Variants in TNRC18 observed in about 807,000 individuals in gnomAD.
TNRC18 encodes the protein trinucleotide repeat-containing gene 18 protein.
In TNRC18, 69 loss-of-function variants were observed where a neutral mutation model predicts 226.7. The ratio of observed to expected loss-of-function variants is 0.30; its 90% CI spans 0.25 to 0.37. The LOEUF (loss-of-function observed/expected upper bound fraction) is 0.37. TNRC18 is among the 10% of genes least tolerant of loss of function. The pLI, the probability that TNRC18 is intolerant of heterozygous loss-of-function variation, is 1.00. For synonymous variants in TNRC18, 2,449 were observed against 1,927.6 expected, an observed-to-expected ratio of 1.27 and a Z score of -7.09; for missense variants, 4,754 against 4,256.6, an observed-to-expected ratio of 1.12 and a Z score of -3.25.
At chr7:5,322,705 C>T (rs920836351) in intron 21 of TNRC18, among the ~76,000 whole-genome samples, 7 of 152,228 alleles carry the variant, frequency 4.6e-5, no homozygotes, top group Admixed American at 1.3e-4. Flanking sequence ...CCTCCCTCTC[C>T]CTGCCCCTGC....
chr7:5,350,237 G>T (rs1272560181), intron 17 of TNRC18, among the ~76,000 whole-genome samples: 3 of 152,058 alleles, frequency 2.0e-5, no homozygotes, highest in Admixed American at 2.0e-4. Context: ...AGTGGGTCGG[G>T]GGCCTCTCTT....
intron 3 of TNRC18, among the ~76,000 whole-genome samples, chr7:5,390,861 A>T (rs2128198061): frequency 6.6e-6 from 1 of 152,156 alleles, no homozygotes; most frequent in South Asian, 2.1e-4. Context: ...CCCCAGAAAG[A>T]GGATCAGAAT....
intron 11 of TNRC18, among the ~76,000 whole-genome samples, chr7:5,369,016 C>T (rs1793904002): frequency 6.6e-6 from 1 of 152,146 alleles, no homozygotes. Context: ...ATGATCAGCG[C>T]AGCCCATGTC....
intron 1 of TNRC18, among the ~76,000 whole-genome samples, chr7:5,422,253 C>G (rs986297970): frequency 6.6e-6 from 1 of 152,176 alleles, no homozygotes; most frequent in African/African-American, 2.4e-5. Context: ...GCCCGAGGAC[C>G]TGGCCTGGCG....
intron 25 of TNRC18, 114 bp from the exon 26 acceptor site, chr7:5,315,262 G>C: frequency 2.5e-6 from 3 of 1,184,744 alleles, no homozygotes; most frequent in Non-Finnish European, 3.4e-6. Flanking sequence ...CCGACACCAG[G>C]TGGCTGACCC....
chr7:5,400,794 T>C (rs1271748608), intron 2 of TNRC18, among the ~76,000 whole-genome samples: 3 of 152,250 alleles, frequency 2.0e-5, no homozygotes, highest in East Asian at 1.9e-4. Context: ...ATCTCAGCAC[T>C]ACCAGAGGTC....
At chr7:5,339,575 G>T (rs995648401) in intron 18 of TNRC18, among the ~76,000 whole-genome samples, 40 of 148,342 alleles carry the variant, frequency 2.7e-4, no homozygotes, top group African/African-American at 9.7e-4. Context: ...GTGTGTGTGT[G>T]TGTTTTTCGA....
Position 5,359,435 on chromosome 7 carries a change from C to G in TNRC18, c.4796G>C (p.Trp1599Ser). The G allele has an allele frequency of 6.2e-7, 1 of 1,614,024 alleles. No individual in the cohort carries two copies. The highest frequency in any genetic ancestry group is 1.1e-5 in the South Asian group (1 of 91,090). The change falls in exon 15 of 30, where the codon TGG (tryptophan) becomes TCG (serine). Residue 1599 changes from tryptophan to serine, a missense_variant. Trp to Ser is a radical substitution (Grantham distance 177). Transcript: ENST00000430969. Reference protein sequence around the residue: ...MGKARGRNQTWDEHEASSDFI... With the variant: ...MGKARGRNQTSDEHEASSDFI... Reference sequence around the variant, plus strand: ...GTCCGACGAGGCCTCATGTTCATCCCAAGTCTGGTTCCTCCCCCTGGCTTT... The same window carrying G: ...GTCCGACGAGGCCTCATGTTCATCCGAAGTCTGGTTCCTCCCCCTGGCTTT...
At position 5,312,923 on chromosome 7, in the gene TNRC18, C is replaced by T. The variant is rs939081403; in HGVS notation, c.7968G>A (p.Ser2656=). ...SSSSSSSSSS[S]SSSSSSSSSS... is the part of the protein sequence containing the mutation. ...AGGAGGAGGAGGAGGAGGATGAGGA[C>T]GAGGAAGAGGAGGAGGAGGAAGAGG... Residue 2656 remains serine, a synonymous_variant, in exon 27 of 30, where the codon TCG becomes TCA. Transcript: ENST00000430969. The surrounding 1 kb of genome is among the most constrained non-coding windows in gnomAD (Gnocchi z 6.3). The T allele has an allele frequency of 1.5e-5, 21 of 1,437,698 alleles. No homozygotes were observed. The highest frequency in any genetic ancestry group is 6.4e-5 in the African/African-American group (4 of 62,952). 89.1% of individuals were successfully genotyped at this position (1,437,698 alleles called of 1,614,324 possible).
intron 16 of TNRC18, among the ~76,000 whole-genome samples, chr7:5,353,989 G>A (rs1009339052): frequency 3.3e-5 from 5 of 152,054 alleles, no homozygotes; most frequent in African/African-American, 1.2e-4. Flanking sequence ...GATCACCTGA[G>A]GTCAGGAGCT....
rs552623534 is a variant in TNRC18 at position 5,369,598 on chromosome 7, G to T, written c.4219+777C>A. Among the ~76,000 whole-genome samples the T allele has an allele frequency of 8.5e-5, 13 of 152,134 alleles. No homozygotes were observed. In the East Asian group the frequency reaches 1.9e-3, roughly 23 times the overall value. ...GAAGGAGGGAAGGAGGGAAGGAGAC[G>T]GGGACACAGAGAGAGAGAGACTAGG... On this transcript the variant is annotated intron_variant, in intron 11 of 29. Coordinates refer to ENST00000430969, the MANE Select transcript of TNRC18 (RefSeq NM_001080495.3).
At chr7:5,413,329 C>A (rs1045212942) in intron 2 of TNRC18, among the ~76,000 whole-genome samples, 5 of 152,152 alleles carry the variant, frequency 3.3e-5, no homozygotes, top group Non-Finnish European at 7.3e-5. Context: ...CTCCCCATCC[C>A]TCCACAAGTG....
chr7:5,376,560 G>A (rs1481326849), intron 8 of TNRC18, among the ~76,000 whole-genome samples: 1 of 152,152 alleles, frequency 6.6e-6, no homozygotes, highest in Non-Finnish European at 1.5e-5. Flanking sequence ...TGGTCTACAA[G>A]GTGGATTCCT....
chr7:5,371,186 G>A lies in TNRC18; in HGVS notation c.3408C>T (p.Ser1136=), dbSNP rs1487673612. Residue 1136 remains serine, a synonymous_variant, in exon 11 of 30, where the codon TCC becomes TCT. Coordinates refer to ENST00000430969, the MANE Select transcript of TNRC18 (RefSeq NM_001080495.3). ...LSPEDKPIRL[S]PSKITEPLRE... ...GCAGCGGCTCTGTGATCTTGGAGGG[G>A]GACAAGCGGATGGGCTTGTCTTCGG... 1.2e-6 allele frequency: 2 copies of A among 1,605,454 alleles called. No individual in the cohort carries two copies. Among genetic ancestry groups the A allele is most frequent in the African/African-American group, 2.7e-5 (2 of 74,844 alleles).
At chr7:5,376,274 C>G (rs1484342595) in intron 8 of TNRC18, 50 bp from the exon 9 acceptor site, 1 of 1,377,362 alleles carries the variant, frequency 7.3e-7, no homozygotes, top group East Asian at 2.6e-5. Flanking sequence ...TGCTCCACCA[C>G]CATGCCCATT....
chr7:5,340,205 C>A (rs8180766), intron 18 of TNRC18, among the ~76,000 whole-genome samples: 2 of 152,174 alleles, frequency 1.3e-5, no homozygotes, highest in South Asian at 4.1e-4. Flanking sequence ...TGAAGGAAAT[C>A]TAAAGTGCTC....
intron 10 of TNRC18, among the ~76,000 whole-genome samples, chr7:5,372,756 C>A (rs947489705): frequency 6.6e-6 from 1 of 152,106 alleles, no homozygotes; most frequent in African/African-American, 2.4e-5. Flanking sequence ...CTGCAGTGGT[C>A]TCAAGCCTAC....
chr7:5,321,434 G>A (rs1287744405), intron 21 of TNRC18, among the ~76,000 whole-genome samples: 1 of 152,162 alleles, frequency 6.6e-6, no homozygotes, highest in East Asian at 1.9e-4. Context: ...TCCCCTGCCT[G>A]GCCCCAGATG....
In TNRC18 at chr7:5,308,286, C is replaced by A. The variant is rs374599400; in HGVS notation, c.8727G>T (p.Val2909=). The change falls in exon 30 of 30, where the codon GTG becomes GTT. Residue 2909 remains valine, a synonymous_variant. Transcript: ENST00000430969. ...MERALYQSSH[V]DENDVQTVSH... The stretch of plus-strand genomic sequence containing the variant: ...ACACCGTCTGCACGTCATTTTCGTC[C>A]ACATGCGAGGACTGGTATAGCGCGC... The A allele has an allele frequency of 1.9e-5, 31 of 1,612,612 alleles. No homozygotes were observed. Among genetic ancestry groups the A allele is most frequent in the Non-Finnish European group, 2.6e-5 (31 of 1,179,394 alleles).
Sources: gnomAD v4.1 joint callset for allele counts (sites outside exome capture counted in the v4.1 genomes callset) on GRCh38, gnomAD v4.1.1 for gene constraint, Gnocchi (gnomAD v3.1) non-coding constraint, MANE v1.5 for transcripts, NCBI Gene and HGNC (gene_info 2026-07-23, HGNC 2026-07-21) for gene names.